LAMA2: variants seen among roughly 807,000 people sequenced by gnomAD.
LAMA2 encodes the protein laminin subunit alpha 2, also known as laminin subunit alpha-2.
A neutral mutation model predicts 364.8 loss-of-function variants in LAMA2; 269 were observed. That is an observed-to-expected ratio of 0.74 (90% confidence interval 0.67 to 0.82). The LOEUF (loss-of-function observed/expected upper bound fraction) is 0.82. Among genes scored for constraint, LAMA2 ranks in the 40% least tolerant of loss-of-function variants. LAMA2 has a pLI of 0.00. For synonymous variants in LAMA2, 1,379 were observed against 1,370.6 expected, an observed-to-expected ratio of 1.01 and a Z score of -0.14; for missense variants, 3,807 against 3,873.2, an observed-to-expected ratio of 0.98 and a Z score of 0.45.
At chr6:129,494,989 G>GACTA (rs1785082828) in intron 58 of LAMA2, among the ~76,000 whole-genome samples, 1 of 152,152 alleles carries the variant, frequency 6.6e-6, no homozygotes, top group African/African-American at 2.4e-5. Flanking sequence ...ATTTCTAAAT[G>GACTA]ACTAACTTAA....
Position 129,315,960 on chromosome 6 carries a change from G to A in LAMA2, c.3924+10G>A, listed in dbSNP as rs1382003190. The A allele has an allele frequency of 1.2e-6, 2 of 1,614,016 alleles. No homozygotes were observed. Among genetic ancestry groups the A allele is most frequent in the Non-Finnish European group, 1.7e-6 (2 of 1,179,984 alleles). The stretch of plus-strand genomic sequence containing the variant: ...AATTGAAATGACAGAGGTAAAGTTA[G>A]TCATTGTTTGGTGCAAAGATACCAA... On this transcript the variant is annotated intron_variant, in intron 26 of 64. Coordinates refer to ENST00000421865, the MANE Select transcript of LAMA2 (RefSeq NM_000426.4).
intron 14 of LAMA2, among the ~76,000 whole-genome samples, chr6:129,255,578 C>A (rs1321246939): frequency 3.9e-5 from 6 of 151,988 alleles, no homozygotes; most frequent in Admixed American, 2.6e-4. Context: ...CCGAGTCCAT[C>A]GTGACTTCAT....
At chr6:128,914,117 A>C (rs1436783669) in intron 1 of LAMA2, among the ~76,000 whole-genome samples, 1 of 152,204 alleles carries the variant, frequency 6.6e-6, no homozygotes, top group Non-Finnish European at 1.5e-5. Flanking sequence ...AATGTCCATA[A>C]ATAATTTTGA....
At chr6:129,346,170 C>T (rs1224657440) in intron 30 of LAMA2, among the ~76,000 whole-genome samples, 1 of 152,098 alleles carries the variant, frequency 6.6e-6, no homozygotes, top group East Asian at 1.9e-4. Context: ...CAGTGCCTTC[C>T]CAAGGAAAGA....
intron 1 of LAMA2, among the ~76,000 whole-genome samples, chr6:128,911,412 C>T (rs956591838): frequency 3.3e-5 from 5 of 152,170 alleles, no homozygotes; most frequent in Non-Finnish European, 5.9e-5. Context: ...AGGTGCCGCC[C>T]ATCACCCCTT....
chr6:129,364,477 A>G (rs879507990), intron 32 of LAMA2, among the ~76,000 whole-genome samples: 10 of 152,160 alleles, frequency 6.6e-5, no homozygotes, highest in Non-Finnish European at 1.0e-4. Flanking sequence ...GTATATTATA[A>G]ATGCAGTAGT....
At chr6:129,503,901 AC>A (rs1188962200) in intron 60 of LAMA2, among the ~76,000 whole-genome samples, 1 of 152,212 alleles carries the variant, frequency 6.6e-6, no homozygotes. Flanking sequence ...AGAAACTGGT[AC>A]TATTATGGGC....
At chr6:129,121,796 A>T (rs1240604353) in intron 4 of LAMA2, among the ~76,000 whole-genome samples, 1 of 152,242 alleles carries the variant, frequency 6.6e-6, no homozygotes, top group African/African-American at 2.4e-5. Context: ...ATTATAAACA[A>T]TATATTTTGA....
At chr6:129,083,076 T>TCACA (rs10553801) in intron 3 of LAMA2, among the ~76,000 whole-genome samples, 3 of 149,646 alleles carry the variant, frequency 2.0e-5, no homozygotes, top group South Asian at 2.1e-4. Flanking sequence ...TCTCCTCTGC[T>TCACA]CACACACACA....
At chr6:129,108,591 C>T (rs1053630487) in intron 4 of LAMA2, among the ~76,000 whole-genome samples, 3 of 152,020 alleles carry the variant, frequency 2.0e-5, no homozygotes, top group Non-Finnish European at 4.4e-5. Flanking sequence ...CTGTAGCCTC[C>T]CTTTCAGCTG....
chr6:128,960,681 C>T (rs887850405), intron 1 of LAMA2, among the ~76,000 whole-genome samples: 30 of 152,104 alleles, frequency 2.0e-4, no homozygotes, highest in Non-Finnish European at 4.4e-5. Context: ...TCTTTTATTT[C>T]CTTTTCTTTA....
At position 129,486,471 on chromosome 6, in the gene LAMA2, C is replaced by A; in HGVS notation, c.7750-3C>A. 13 of 1,613,168 alleles carry A rather than the reference C, an allele frequency of 8.1e-6. No homozygotes were observed. Among genetic ancestry groups the A allele is most frequent in the Non-Finnish European group, 1.1e-5 (13 of 1,179,246 alleles). ...AATCTTCAATAACCACTTGCTGTTG[C>A]AGGCCTATTATGCAATACTCCTCAA... On this transcript the variant is annotated splice_polypyrimidine_tract_variant and splice_region_variant and intron_variant, in intron 55 of 64. Transcript: ENST00000421865.
intron 1 of LAMA2, among the ~76,000 whole-genome samples, chr6:128,888,118 C>T (rs1776246126): frequency 6.6e-6 from 1 of 152,058 alleles, no homozygotes; most frequent in African/African-American, 2.4e-5. Context: ...GGCAGAAGCT[C>T]CGTTTCAGTA....
At chr6:129,079,831 C>T (rs1773926628) in intron 3 of LAMA2, among the ~76,000 whole-genome samples, 1 of 152,050 alleles carries the variant, frequency 6.6e-6, no homozygotes, top group Non-Finnish European at 1.5e-5. Flanking sequence ...TATACAAATA[C>T]ATGTACCTAT....
chr6:129,136,686 T>C (rs1040170779), intron 4 of LAMA2, among the ~76,000 whole-genome samples: 113 of 152,312 alleles, frequency 7.4e-4, no homozygotes, highest in African/African-American at 2.5e-3. Flanking sequence ...CTGAAATTTA[T>C]TAAAGACTGT....
chr6:129,019,447 T>G (rs1475349874), intron 1 of LAMA2, among the ~76,000 whole-genome samples: 2 of 151,768 alleles, frequency 1.3e-5, no homozygotes, highest in Non-Finnish European at 2.9e-5. Context: ...CTCTCATATT[T>G]TCAGTATTTT....
intron 10 of LAMA2, among the ~76,000 whole-genome samples, chr6:129,185,750 A>T (rs1781190726): frequency 1.3e-5 from 2 of 151,856 alleles, no homozygotes; most frequent in Non-Finnish European, 3.0e-5. Flanking sequence ...GATGTGTTTT[A>T]ATATCATAAT....
intron 54 of LAMA2, 71 bp from the exon 55 acceptor site, chr6:129,481,186 GGAGGGT>G (rs1373793240): frequency 9.2e-7 from 1 of 1,088,452 alleles, no homozygotes; most frequent in African/African-American, 1.5e-5. Context: ...ATTGCATCGA[GGAGGGT>G]GAGTGAGATG....
chr6:129,020,435 T>G (rs1785382040), intron 1 of LAMA2, among the ~76,000 whole-genome samples: 1 of 152,036 alleles, frequency 6.6e-6, no homozygotes, highest in African/African-American at 2.4e-5. Context: ...GTATGAGACT[T>G]AAAGAGGGGC....
Sources: gnomAD v4.1 joint callset for allele counts (sites outside exome capture counted in the v4.1 genomes callset) on GRCh38, gnomAD v4.1.1 for gene constraint, MANE v1.5 for transcripts, NCBI Gene and HGNC (gene_info 2026-07-23, HGNC 2026-07-21) for gene names.